Variants in FXR1 observed in about 807,000 individuals in gnomAD.
FXR1 encodes FMR1 autosomal homolog 1, also known as RNA-binding protein FXR1.
A neutral mutation model predicts 84.0 loss-of-function variants in FXR1; 15 were observed. The ratio of observed to expected loss-of-function variants is 0.18; its 90% CI spans 0.12 to 0.27. The LOEUF (loss-of-function observed/expected upper bound fraction) is 0.27, where lower values mean the gene tolerates loss of function less well. Among genes scored for constraint, FXR1 ranks in the 10% least tolerant of loss-of-function variants. The pLI is 1.00. For missense variants in FXR1, 480 were observed against 774.4 expected, an observed-to-expected ratio of 0.62 and a Z score of 4.51; for synonymous variants, 245 against 250.7, an observed-to-expected ratio of 0.98 and a Z score of 0.21.
At chr3:180,973,090 A>T (rs1560026281) in intron 15 of FXR1, among the ~76,000 whole-genome samples, 1 of 152,214 alleles carries the variant, frequency 6.6e-6, no homozygotes, top group Non-Finnish European at 1.5e-5. Flanking sequence ...TCTAGAGTCC[A>T]TGTCATTACA....
chr3:180,915,230 G>T (rs1717742043), intron 1 of FXR1, among the ~76,000 whole-genome samples: 1 of 152,112 alleles, frequency 6.6e-6, no homozygotes, highest in South Asian at 2.1e-4. Context: ...GTACGGTTAT[G>T]AATCTTGATA....
Position 180,912,733 on chromosome 3 carries a change from C to T in FXR1, c.48C>T (p.Tyr16=), listed in dbSNP as rs1717360839. 3 of 1,613,936 alleles carry T rather than the reference C, an allele frequency of 1.9e-6. No homozygotes were observed. In the African/African-American group the frequency reaches 4.0e-5, roughly 22 times the overall value. The change falls in exon 1 of 17, where the codon TAC becomes TAT. Residue 16 remains tyrosine (Y), a synonymous_variant. Coordinates refer to ENST00000357559, the MANE Select transcript of FXR1 (RefSeq NM_005087.4). Reference sequence around the variant, plus strand: ...TTCGCGGCTCTAACGGGGCTTTCTACAAGGTACTGACCGTTTTGCCACTTT... The same window carrying T: ...TTCGCGGCTCTAACGGGGCTTTCTATAAGGTACTGACCGTTTTGCCACTTT... ...VEVRGSNGAF[Y]KGFIKDVHED... is the part of the protein sequence containing the mutation.
chr3:180,943,516 C>T (rs1401972691), intron 3 of FXR1, among the ~76,000 whole-genome samples: 1 of 152,180 alleles, frequency 6.6e-6, no homozygotes, highest in Non-Finnish European at 1.5e-5. Context: ...ATCCACCCGC[C>T]TCAGCCTCCC....
At chr3:180,965,200 G>T (rs1324697646) in intron 13 of FXR1, among the ~76,000 whole-genome samples, 1 of 151,952 alleles carries the variant, frequency 6.6e-6, no homozygotes, top group Non-Finnish European at 1.5e-5. Context: ...ATTTTTAGTA[G>T]AGACAGGGTT....
chr3:180,968,437 GT>G (rs1318371575), intron 14 of FXR1, 183 bp downstream of exon 14: 1 of 565,708 alleles, frequency 1.8e-6, no homozygotes, highest in Non-Finnish European at 3.2e-6. Flanking sequence ...CTCAGTGAAG[GT>G]TTACTTAGAA....
At chr3:180,944,035 G>A (rs1454800081) in intron 3 of FXR1, among the ~76,000 whole-genome samples, 1 of 151,920 alleles carries the variant, frequency 6.6e-6, no homozygotes, top group Non-Finnish European at 1.5e-5. Flanking sequence ...TCCTACCTCA[G>A]CCTCCCGAGT....
chr3:180,978,332 A>G lies in FXR1; in HGVS notation c.*2040A>G, dbSNP rs556830840. 2 of 152,262 alleles carry G rather than the reference A, an allele frequency of 1.3e-5. No individual in the cohort carries two copies. The highest frequency in any genetic ancestry group is 2.4e-5 in the African/African-American group (1 of 41,566). 9.4% of individuals were successfully genotyped at this position (152,262 alleles called of 1,614,324 possible). A position where few individuals can be genotyped will look rare whatever the true frequency, so the allele number is the denominator to read the frequency against. ...GCTGAACCAATTCTTCATTCTAGCA[A>G]TAACCACACTAAGTTCATTACTTTA... On this transcript the variant is annotated 3_prime_UTR_variant, in exon 17 of 17. Transcript: ENST00000357559.
In FXR1 at chr3:180,982,263, T is replaced by A. The variant is rs763750242; in HGVS notation, c.*5971T>A. 2 of 152,118 alleles carry A rather than the reference T, an allele frequency of 1.3e-5. No homozygotes were observed. Among genetic ancestry groups the A allele is most frequent in the African/African-American group, 2.4e-5 (1 of 41,454 alleles). 9.4% of individuals were successfully genotyped at this position (152,118 alleles called of 1,614,324 possible). A position where few individuals can be genotyped will look rare whatever the true frequency, so the allele number is the denominator to read the frequency against. ...ACTGTAAGTACTCAAATGTTACAGA[T>A]CCAAGTATTTTGTAAGAAAATACCA... is the stretch of plus-strand genomic sequence containing the variant. On this transcript the variant is annotated 3_prime_UTR_variant, in exon 17 of 17. Coordinates refer to ENST00000357559, the MANE Select transcript of FXR1 (RefSeq NM_005087.4).
At chr3:180,961,080 C>G (rs955445800) in intron 10 of FXR1, among the ~76,000 whole-genome samples, 3 of 152,028 alleles carry the variant, frequency 2.0e-5, no homozygotes, top group African/African-American at 7.2e-5. Flanking sequence ...CCTGTAACCT[C>G]TTTACGAAGT....
rs965407126 is a variant in FXR1, at chr3:180,976,118, G to A, written c.1696-4G>A. ...AAGTTGAAAAAGTTGTCTCCCTTTG[G>A]CAGGCAAAAGATGTGATTGAAGAGC... On this transcript the variant is annotated splice_polypyrimidine_tract_variant and splice_region_variant and intron_variant, in intron 16 of 16. Transcript: ENST00000357559. 1 of 1,594,402 alleles carries A rather than the reference G, an allele frequency of 6.3e-7. No individual in the cohort carries two copies. Among genetic ancestry groups the A allele is most frequent in the Admixed American group, 1.8e-5 (1 of 55,726 alleles).
intron 2 of FXR1, among the ~76,000 whole-genome samples, chr3:180,934,934 T>C (rs1433735389): frequency 6.6e-6 from 1 of 152,176 alleles, no homozygotes; most frequent in East Asian, 1.9e-4. Flanking sequence ...TTGTTAACAA[T>C]TATGTTAATT....
intron 3 of FXR1, among the ~76,000 whole-genome samples, chr3:180,941,568 C>A (rs1359205574): frequency 6.6e-6 from 1 of 152,098 alleles, no homozygotes. Flanking sequence ...TTTGGCCAGT[C>A]TGAAGTTTTT....
In FXR1 at chr3:180,914,744, A is replaced by T. The variant is rs907683800; in HGVS notation, c.51+2008A>T. Reference sequence around the variant, plus strand: ...TATCTACAATCTACTGCTTGTTTCTACTTAGACTTTGACTCCATTACTCAT... The same window carrying T: ...TATCTACAATCTACTGCTTGTTTCTTCTTAGACTTTGACTCCATTACTCAT... On this transcript the variant is annotated intron_variant, in intron 1 of 16. Coordinates refer to ENST00000357559, the MANE Select transcript of FXR1 (RefSeq NM_005087.4). 6 of 885,040 alleles carry T rather than the reference A, an allele frequency of 6.8e-6. No homozygotes were observed. The Admixed American group carries it at 3.1e-4, about 46-fold the overall frequency. The allele number at this position is 885,040 out of a possible 1,614,324, so 54.8% of individuals were successfully genotyped here. A position where few individuals can be genotyped will look rare whatever the true frequency, so the allele number is the denominator to read the frequency against.
intron 1 of FXR1, among the ~76,000 whole-genome samples, chr3:180,928,283 A>G (rs1052764802): frequency 6.6e-6 from 1 of 152,062 alleles, no homozygotes; most frequent in Non-Finnish European, 1.5e-5. Flanking sequence ...CCTTTAAAAT[A>G]TCTTTTCCAT....
intron 3 of FXR1, among the ~76,000 whole-genome samples, chr3:180,938,330 G>A (rs906318091): frequency 5.9e-5 from 9 of 152,108 alleles, no homozygotes; most frequent in Admixed American, 5.9e-4. Flanking sequence ...CATACATTAA[G>A]TGACTGTATT....
intron 11 of FXR1, 124 bp downstream of exon 11, chr3:180,961,678 A>G (rs558321332): frequency 2.8e-4 from 141 of 504,882 alleles, no homozygotes; most frequent in African/African-American, 2.2e-3. Flanking sequence ...TAAACTTCAA[A>G]TCTTTAAATA....
rs1030772022 is a variant in FXR1, at chr3:180,980,090, G to A, written c.*3798G>A. The A allele has an allele frequency of 2.0e-5, 3 of 151,982 alleles. No homozygotes were observed. Among genetic ancestry groups the A allele is most frequent in the Admixed American group, 2.0e-4 (3 of 15,246 alleles). 9.4% of individuals were successfully genotyped at this position (151,982 alleles called of 1,614,324 possible). Reference sequence around the variant, plus strand: ...CAATTTTATCCAACCAGAGAGGGCTGGCCTAGTTGGTATCTTTAAGGCCCT... The same window carrying A: ...CAATTTTATCCAACCAGAGAGGGCTAGCCTAGTTGGTATCTTTAAGGCCCT... On this transcript the variant is annotated 3_prime_UTR_variant, in exon 17 of 17. Coordinates refer to ENST00000357559, the MANE Select transcript of FXR1 (RefSeq NM_005087.4).
At chr3:180,947,965 C>CTA in intron 4 of FXR1, 29 bp downstream of exon 4, 1 of 1,373,566 alleles carries the variant, frequency 7.3e-7, no homozygotes, top group South Asian at 1.2e-5. Flanking sequence ...TGCTTTGTGA[C>CTA]TAGTTTCTAA....
chr3:180,953,199 G>A (rs181628892), intron 8 of FXR1, among the ~76,000 whole-genome samples: 7 of 152,290 alleles, frequency 4.6e-5, no homozygotes, highest in Admixed American at 1.3e-4. Context: ...TTATTGAGAA[G>A]TAGAAAGTCT....
Sources: gnomAD v4.1 joint callset for allele counts (sites outside exome capture counted in the v4.1 genomes callset) on GRCh38, gnomAD v4.1.1 for gene constraint, MANE v1.5 for transcripts, NCBI Gene and HGNC (gene_info 2026-07-23, HGNC 2026-07-21) for gene names.